The following HDAC7 variants were observed in gnomAD, a reference collection of about 807,000 sequenced individuals.
HDAC7 encodes histone deacetylase 7, also known as histone deacetylase 7A.
HDAC7 carries 26 observed loss-of-function variants against 115.5 expected under a neutral mutation model. The ratio of observed to expected loss-of-function variants is 0.23; its 90% CI spans 0.16 to 0.31. HDAC7 has a LOEUF of 0.31. Ranked by LOEUF, HDAC7 falls within the 10% of genes least tolerant of loss-of-function variation. The pLI is 1.00. For synonymous variants in HDAC7, 564 were observed against 550.9 expected, an observed-to-expected ratio of 1.02 and a Z score of -0.33; for missense variants, 1,068 against 1,329.0, an observed-to-expected ratio of 0.80 and a Z score of 3.05.
Position 47,798,589 on chromosome 12 carries a change from G to A in HDAC7, c.322C>T (p.Leu108Phe). Residue 108 changes from leucine to phenylalanine, a missense_variant, in exon 4 of 26, where the codon CTT (leucine) becomes TTT (phenylalanine). Physicochemically the swap from Leu to Phe is conservative, Grantham distance 22. Coordinates refer to ENST00000080059, the MANE Select transcript of HDAC7 (RefSeq NM_015401.5). This position sits in a 1 kb window ranked among gnomAD's most constrained non-coding sequence, Gnocchi z 4.3. ...VGPQEQELRQ[L>F]LHKDKSKRSA... Reference sequence around the variant, plus strand: ...CGCTTGCTCTTGTCCTTGTGGAGAAGCTGCCGCAGCTCTTGTTCCTGGGGT... The same window carrying A: ...CGCTTGCTCTTGTCCTTGTGGAGAAACTGCCGCAGCTCTTGTTCCTGGGGT... The A allele has an allele frequency of 6.2e-7, 1 of 1,614,014 alleles. No individual in the cohort carries two copies. Among genetic ancestry groups the A allele is most frequent in the East Asian group, 2.2e-5 (1 of 44,886 alleles).
rs536073968 is a variant in HDAC7 at position 47,798,031 on chromosome 12, T to C, written c.461+77A>G. 1.0e-5 allele frequency: 10 copies of C among 992,288 alleles called. No homozygotes were observed. Among genetic ancestry groups the C allele is most frequent in the Non-Finnish European group, 1.6e-5 (10 of 626,240 alleles). The allele number at this position is 992,288 out of a possible 1,614,324, so 61.5% of individuals were successfully genotyped here. A position where few individuals can be genotyped will look rare whatever the true frequency, so the allele number is the denominator to read the frequency against. On this transcript the variant is annotated intron_variant, in intron 5 of 25. Coordinates refer to ENST00000080059, the MANE Select transcript of HDAC7 (RefSeq NM_015401.5). This position sits in a 1 kb window ranked among gnomAD's most constrained non-coding sequence, Gnocchi z 4.3. ...CAACTGGGGAGGAAGGAGGCAAGTG[T>C]GTGTGCTCATGGCTAACACGGGGGC...
chr12:47,785,197 G>C (rs558775463), intron 24 of HDAC7, 190 bp downstream of exon 24: 36 of 591,716 alleles, frequency 6.1e-5, no homozygotes, highest in Middle Eastern at 4.5e-4. Context: ...CCATCGGGGG[G>C]GCTCAGAGGA....
chr12:47,807,121 G>A (rs560561433), intron 1 of HDAC7, among the ~76,000 whole-genome samples: 130 of 152,158 alleles, frequency 8.5e-4, no homozygotes, highest in African/African-American at 3.1e-3. Context: ...TGTATTTTTA[G>A]TAGAGACGGT....
In HDAC7 at chr12:47,797,583, G is replaced by A; in HGVS notation, c.462-84C>T. The A allele has an allele frequency of 9.7e-7, 1 of 1,030,884 alleles. No homozygotes were observed. Among genetic ancestry groups the A allele is most frequent in the South Asian group, 1.5e-5 (1 of 65,010 alleles). The allele number at this position is 1,030,884 out of a possible 1,614,324, so 63.9% of individuals were successfully genotyped here. ...CTGAGCACGGGCCCTGGGACCTGAG[G>A]GGGAGGCTGCAGCGGGCAGGGCTGG... On this transcript the variant is annotated intron_variant, in intron 5 of 25. Transcript: ENST00000080059. The surrounding 1 kb of genome is among the most constrained non-coding windows in gnomAD (Gnocchi z 5.5).
intron 22 of HDAC7, 59 bp from the exon 23 acceptor site, chr12:47,785,944 T>G: frequency 6.7e-7 from 1 of 1,485,536 alleles, no homozygotes; most frequent in Non-Finnish European, 9.0e-7. Flanking sequence ...CCCTGTTCTC[T>G]ACCCCTGTGG....
intron 19 of HDAC7, chr12:47,788,947 A>G: frequency 2.9e-6 from 1 of 345,276 alleles, no homozygotes; most frequent in Non-Finnish European, 5.4e-6. Flanking sequence ...TCTTATCATC[A>G]CTACCTGTAC....
intron 2 of HDAC7, among the ~76,000 whole-genome samples, chr12:47,799,640 G>A (rs1944066240): frequency 6.6e-6 from 1 of 152,358 alleles, no homozygotes; most frequent in East Asian, 1.9e-4. Context: ...GCTCCTGGGT[G>A]CCTCCATGGC....
At chr12:47,814,548 TG>T (rs1398106198) in intron 1 of HDAC7, among the ~76,000 whole-genome samples, 2 of 152,332 alleles carry the variant, frequency 1.3e-5, no homozygotes, top group East Asian at 3.9e-4. Context: ...CTCAGCCCCA[TG>T]GAAGAAAAAG....
At chr12:47,812,924 T>G (rs1944728347) in intron 1 of HDAC7, 1 of 151,706 alleles carries the variant, frequency 6.6e-6, no homozygotes, top group African/African-American at 2.4e-5. Flanking sequence ...GAAGGGAGAG[T>G]CACACCTCCT....
At chr12:47,806,945 C>CT (rs71077176) in intron 1 of HDAC7, among the ~76,000 whole-genome samples, 13,430 of 144,768 alleles carry the variant, frequency 0.093, 778 homozygotes, top group African/African-American at 0.17. Flanking sequence ...CTCTCTCTCT[C>CT]TTTTTTTTTT....
Position 47,819,785 on chromosome 12 carries a change from TC to T in HDAC7, c.-1del. The T allele has an allele frequency of 3.1e-6, 2 of 640,706 alleles. No homozygotes were observed. Among genetic ancestry groups the T allele is most frequent in the Non-Finnish European group, 3.8e-6 (2 of 520,368 alleles). The allele number at this position is 640,706 out of a possible 1,614,324, so 39.7% of individuals were successfully genotyped here. On this transcript the variant is annotated 5_prime_UTR_variant, in exon 1 of 26. Transcript: ENST00000080059. Reference sequence around the variant, plus strand: ...TACTCACCAGCGCCGGGGCTGTGCATCCAGGGGCCGGGGCCCTCAGAGCGGG... The same window carrying T: ...TACTCACCAGCGCCGGGGCTGTGCATCAGGGGCCGGGGCCCTCAGAGCGGG...
intron 13 of HDAC7, chr12:47,792,464 T>A (rs1418109817): frequency 1.5e-5 from 5 of 340,644 alleles, no homozygotes; most frequent in East Asian, 1.5e-4. Context: ...AACCGGGAGC[T>A]AAGAAGCCCA....
Position 47,796,267 on chromosome 12 carries a change from T to C in HDAC7, c.735A>G (p.Ala245=), listed in dbSNP as rs891927788. The C allele has an allele frequency of 7.5e-6, 12 of 1,598,492 alleles. No individual in the cohort carries two copies. In the African/African-American group the frequency reaches 1.4e-4, roughly 18 times the overall value. ...DSSPSSSSTP[A]SGCSSPNDSE... is the part of the protein sequence containing the mutation. ...TGTCATTGGGGGAGCTGCACCCTGA[T>C]GCGGGCGTGCTGCTACTACTTGGGG... Residue 245 remains alanine (A), a synonymous_variant, in exon 8 of 26, where the codon GCA becomes GCG. Coordinates refer to ENST00000080059, the MANE Select transcript of HDAC7 (RefSeq NM_015401.5).
At chr12:47,802,295 T>G in intron 1 of HDAC7, 21 bp from the exon 2 acceptor site, 1 of 1,611,102 alleles carries the variant, frequency 6.2e-7, no homozygotes, top group Non-Finnish European at 8.5e-7. Context: ...AGAGACGGAG[T>G]GAAAGAGCTG....
chr12:47,795,857 A>C lies in HDAC7; in HGVS notation c.906+49T>G, dbSNP rs1943797520. 3 of 1,277,506 alleles carry C rather than the reference A, an allele frequency of 2.3e-6. No individual in the cohort carries two copies. Among genetic ancestry groups the C allele is most frequent in the South Asian group, 2.5e-5 (2 of 78,968 alleles). 79.1% of individuals were successfully genotyped at this position (1,277,506 alleles called of 1,614,324 possible). On this transcript the variant is annotated intron_variant, in intron 9 of 25. Transcript: ENST00000080059. The surrounding 1 kb of genome is among the most constrained non-coding windows in gnomAD (Gnocchi z 4.3). ...GGTGAGGCAGCAAGAAAAGGGAGTGAAAGAAGCTGGGGGGGCTTGGAGTGG... is the reference window on the plus strand; with the variant it reads ...GGTGAGGCAGCAAGAAAAGGGAGTGCAAGAAGCTGGGGGGGCTTGGAGTGG...
At position 47,785,424 on chromosome 12, in the gene HDAC7, A is replaced by G. The variant is rs1943122508; in HGVS notation, c.2754T>C (p.Asn918=). The G allele has an allele frequency of 6.2e-7, 1 of 1,613,144 alleles. No homozygotes were observed. Among genetic ancestry groups the G allele is most frequent in the African/African-American group, 1.3e-5 (1 of 74,950 alleles). The part of the protein sequence containing the change: ...EEGWKQKPNL[N]AIRSLEAVIR... ...TCACGGCCTCCAGAGAGCGGATGGC[A>G]TTGAGGTTGGGTTTCTGTTTCCAGC... Residue 918 remains asparagine (N), a synonymous_variant, in exon 24 of 26, where the codon AAT becomes AAC. Coordinates refer to ENST00000080059, the MANE Select transcript of HDAC7 (RefSeq NM_015401.5).
At chr12:47,806,995 A>C (rs1944435844) in intron 1 of HDAC7, among the ~76,000 whole-genome samples, 1 of 150,098 alleles carries the variant, frequency 6.7e-6, no homozygotes, top group Non-Finnish European at 1.5e-5. Context: ...GCTGGAGTGC[A>C]GTGGCACAAT....
rs1442377188 is a variant in HDAC7 at position 47,794,741 on chromosome 12, C to T, written c.1458+19G>A. On this transcript the variant is annotated intron_variant, in intron 12 of 25. Transcript: ENST00000080059. ...TCTTCTGAGGACACTTTCTGAGGGG[C>T]AGGTGGGGACTGCCATACCTGAGGG... 3 of 1,549,182 alleles carry T rather than the reference C, an allele frequency of 1.9e-6. No individual in the cohort carries two copies. Among genetic ancestry groups the T allele is most frequent in the Admixed American group, 2.0e-5 (1 of 49,822 alleles).
rs571383310 is a variant in HDAC7 at position 47,787,940 on chromosome 12, G to T, written c.2355+105C>A. On this transcript the variant is annotated intron_variant, in intron 20 of 25. Coordinates refer to ENST00000080059, the MANE Select transcript of HDAC7 (RefSeq NM_015401.5). The stretch of plus-strand genomic sequence containing the variant: ...GGTGGGGAAGTTTAGGATCAGAGAG[G>T]CTCAGCAGTCTGCCCAGGATCACAC... 4.7e-5 allele frequency: 74 copies of T among 1,564,844 alleles called. No individual in the cohort carries two copies. The East Asian group carries it at 1.5e-3, about 32-fold the overall frequency.
Sources: allele counts gnomAD v4.1 joint callset (sites outside exome capture counted in the v4.1 genomes callset), GRCh38; gene constraint gnomAD v4.1.1; non-coding constraint Gnocchi (gnomAD v3.1); transcripts MANE v1.5; gene names NCBI Gene and HGNC (gene_info 2026-07-23, HGNC 2026-07-21).